The following MROH9 variants were observed in gnomAD, a reference collection of about 807,000 sequenced individuals.
MROH9 encodes the protein maestro heat-like repeat-containing protein family member 9.
MROH9 carries 92 observed loss-of-function variants against 98.2 expected under a neutral mutation model. The ratio of observed to expected loss-of-function variants is 0.94; its 90% confidence interval spans 0.79 to 1.11. The LOEUF (loss-of-function observed/expected upper bound fraction) is 1.11, where lower values mean the gene tolerates loss of function less well. Ranked by LOEUF, MROH9 falls within the 50% of genes most tolerant of loss-of-function variation. The probability of loss-of-function intolerance (pLI) is 0.00; values close to 1 mark genes in which losing one functional copy is unlikely to be tolerated. For synonymous variants in MROH9, 397 were observed against 368.9 expected (o/e 1.08, Z -0.87); for missense variants, 1,057 against 1,014.8 (o/e 1.04, Z -0.57).
At chr1:171,017,341 C>T (rs570307133) in intron 17 of MROH9, among the ~76,000 whole-genome samples, 162 of 152,310 alleles carry the variant, frequency 1.1e-3, no homozygotes, top group African/African-American at 2.6e-3. Flanking sequence ...GACAGCCACA[C>T]GGGCCAGGGG....
intron 7 of MROH9, 129 bp downstream of exon 7, chr1:170,965,384 G>A: frequency 1.7e-6 from 1 of 585,814 alleles, no homozygotes; most frequent in African/African-American, 1.9e-5. Context: ...GGTTGGTTGG[G>A]ATATCAGAAA....
intron 20 of MROH9, among the ~76,000 whole-genome samples, chr1:171,039,298 G>A (rs2101856551): frequency 6.6e-6 from 1 of 152,280 alleles, no homozygotes; most frequent in African/African-American, 2.4e-5. Context: ...ATCTGCAGTT[G>A]TAAGAACAAT....
chr1:171,045,975 T>C (rs887200893), intron 20 of MROH9, among the ~76,000 whole-genome samples: 10 of 152,174 alleles, frequency 6.6e-5, no homozygotes, highest in African/African-American at 2.4e-4. Context: ...TGAGTGCTCC[T>C]ATGTTGGGTG....
chr1:171,049,435 G>A (rs998569880), intron 20 of MROH9, among the ~76,000 whole-genome samples: 1 of 152,066 alleles, frequency 6.6e-6, no homozygotes, highest in Non-Finnish European at 1.5e-5. Context: ...ACTCAGTGCT[G>A]TCCTGTTAGA....
intron 20 of MROH9, among the ~76,000 whole-genome samples, chr1:171,058,389 G>A (rs1337621680): frequency 7.5e-5 from 11 of 146,392 alleles, no homozygotes; most frequent in African/African-American, 2.8e-4. Flanking sequence ...TCATGGATAA[G>A]AAGAATCAAT....
In MROH9 at chr1:170,996,510, T is replaced by C. The variant is rs778289580; in HGVS notation, c.1341T>C (p.Tyr447=). The part of the protein sequence containing the change: ...LKPILKDRAL[Y]AQDALRVLLN... ...TTGCTCTCTTTTGGGGCTTTAGGTA[T>C]GCCCAGGATGCCCTGAGAGTTCTGC... is the stretch of plus-strand genomic sequence containing the variant. The change falls in exon 14 of 22, where the codon TAT becomes TAC. Residue 447 remains tyrosine, a synonymous_variant. Coordinates refer to ENST00000367759, the MANE Select transcript of MROH9 (RefSeq NM_001163629.2). 1.9e-6 allele frequency: 3 copies of C among 1,612,950 alleles called. No individual in the cohort carries two copies. The highest frequency in any genetic ancestry group is 2.7e-5 in the African/African-American group (2 of 74,858).
intron 15 of MROH9, chr1:170,998,650 A>G: frequency 8.7e-7 from 1 of 1,149,874 alleles, no homozygotes. Context: ...GACCATCTAG[A>G]GGGAGAAAGG....
intron 20 of MROH9, among the ~76,000 whole-genome samples, chr1:171,042,444 A>G (rs72710599): frequency 0.09 from 13,713 of 152,210 alleles, 763 homozygotes; most frequent in Middle Eastern, 0.22. Flanking sequence ...ACAGTGCTGC[A>G]ACAAAGAAAT....
At chr1:170,989,404 G>T (rs1651266919) in intron 10 of MROH9, among the ~76,000 whole-genome samples, 1 of 152,078 alleles carries the variant, frequency 6.6e-6, no homozygotes, top group Non-Finnish European at 1.5e-5. Flanking sequence ...TACCATTCTG[G>T]GTCATTCCTC....
At chr1:170,990,515 A>C (rs913887212) in intron 11 of MROH9, among the ~76,000 whole-genome samples, 3 of 152,214 alleles carry the variant, frequency 2.0e-5, no homozygotes, top group Non-Finnish European at 4.4e-5. Flanking sequence ...AAGTTTAAGA[A>C]GAAAAAAATA....
At chr1:171,004,091 G>C (rs191422991) in intron 15 of MROH9, among the ~76,000 whole-genome samples, 173 of 152,162 alleles carry the variant, frequency 1.1e-3, no homozygotes, top group African/African-American at 3.0e-3. Flanking sequence ...CTCCCACCAT[G>C]CCCCCTGCAA....
chr1:170,942,090 T>A (rs2101865146), intron 1 of MROH9, among the ~76,000 whole-genome samples: 1 of 152,306 alleles, frequency 6.6e-6, no homozygotes, highest in African/African-American at 2.4e-5. Context: ...TTTCTTCCAC[T>A]GTTATCCTAC....
intron 7 of MROH9, among the ~76,000 whole-genome samples, 169 bp from the exon 8 acceptor site, chr1:170,971,579 A>G (rs1650458241): frequency 6.6e-6 from 1 of 152,222 alleles, no homozygotes; most frequent in African/African-American, 2.4e-5. Context: ...CATTTCACAG[A>G]TGAGGAAATT....
intron 20 of MROH9, among the ~76,000 whole-genome samples, chr1:171,061,841 A>G (rs1654025293): frequency 6.6e-6 from 1 of 152,184 alleles, no homozygotes; most frequent in African/African-American, 2.4e-5. Flanking sequence ...CCTTGAAGGA[A>G]GCTTCTAGGA....
At chr1:171,009,525 G>A (rs1355062822) in intron 15 of MROH9, among the ~76,000 whole-genome samples, 1 of 152,126 alleles carries the variant, frequency 6.6e-6, no homozygotes. Flanking sequence ...GGTTTTCCAA[G>A]TAAAAGGAAG....
At position 171,064,196 on chromosome 1, in the gene MROH9, T is replaced by C; in HGVS notation, c.2442T>C (p.Ser814=). The C allele has an allele frequency of 1.3e-6, 2 of 1,551,572 alleles. No individual in the cohort carries two copies. The highest frequency in any genetic ancestry group is 1.7e-6 in the Non-Finnish European group (2 of 1,146,924). ...IFKKKAHKLT[S]APLKQNFQKL... is the part of the protein sequence containing the mutation. ...AGAAAAAAGCCCATAAACTGACCTC[T>C]GCACCTCTTAAACAAAACTTCCAAA... is the stretch of plus-strand genomic sequence containing the variant. The change falls in exon 22 of 22, where the codon TCT becomes TCC. Residue 814 remains serine (S), a synonymous_variant. Coordinates refer to ENST00000367759, the MANE Select transcript of MROH9 (RefSeq NM_001163629.2).
At chr1:171,040,412 TTG>T (rs1394580796) in intron 20 of MROH9, among the ~76,000 whole-genome samples, 1 of 152,112 alleles carries the variant, frequency 6.6e-6, no homozygotes, top group African/African-American at 2.4e-5. Context: ...TACAACACAT[TTG>T]TGTGTGTTAC....
chr1:171,013,537 G>A (rs1432441050), intron 15 of MROH9, among the ~76,000 whole-genome samples: 1 of 152,066 alleles, frequency 6.6e-6, no homozygotes, highest in Non-Finnish European at 1.5e-5. Context: ...AAAAGTTTGG[G>A]GACTGCTGCT....
intron 6 of MROH9, among the ~76,000 whole-genome samples, chr1:170,962,548 T>C (rs1430849162): frequency 6.6e-6 from 1 of 152,118 alleles, no homozygotes; most frequent in Non-Finnish European, 1.5e-5. Context: ...CATGTTGGCA[T>C]CAGAGGCCAA....
Sources: allele counts gnomAD v4.1 joint callset (sites outside exome capture counted in the v4.1 genomes callset), GRCh38; gene constraint gnomAD v4.1.1; transcripts MANE v1.5; gene names NCBI Gene and HGNC (gene_info 2026-07-23, HGNC 2026-07-21).